PKN2: variants seen among roughly 807,000 people sequenced by gnomAD.
PKN2 encodes the protein serine/threonine-protein kinase N2.
In PKN2, 38 loss-of-function variants were observed where a neutral mutation model predicts 119.1. The observed-to-expected ratio is 0.32, with a 90% CI of 0.25 to 0.42. PKN2 has a LOEUF of 0.42. PKN2 is among the 10% of genes least tolerant of loss of function. PKN2 has a pLI of 1.00. For missense variants in PKN2, 850 were observed against 1,165.1 expected, an observed-to-expected ratio of 0.73 and a Z score of 3.94; for synonymous variants, 390 against 384.9, an observed-to-expected ratio of 1.01 and a Z score of -0.15.
chr1:88,703,833 A>G (rs1321583237), intron 1 of PKN2, among the ~76,000 whole-genome samples: 2 of 152,182 alleles, frequency 1.3e-5, no homozygotes, highest in Admixed American at 6.5e-5. Context: ...ACTATCATTA[A>G]GTAGAGGAAT....
chr1:88,736,647 GC>G (rs1423584875), intron 1 of PKN2, among the ~76,000 whole-genome samples: 1 of 152,136 alleles, frequency 6.6e-6, no homozygotes, highest in Non-Finnish European at 1.5e-5. Flanking sequence ...GAGCCACTGT[GC>G]CCGACCCCTG....
At chr1:88,787,117 A>G (rs1293667844) in intron 8 of PKN2, among the ~76,000 whole-genome samples, 1 of 151,908 alleles carries the variant, frequency 6.6e-6, no homozygotes, top group Non-Finnish European at 1.5e-5. Flanking sequence ...TATGTAAAAT[A>G]CCTTGCATTG....
At chr1:88,730,983 A>T (rs1451891556) in intron 1 of PKN2, among the ~76,000 whole-genome samples, 4 of 152,248 alleles carry the variant, frequency 2.6e-5, no homozygotes, top group Non-Finnish European at 5.9e-5. Flanking sequence ...CAAACAAAAA[A>T]CACAATATGG....
At chr1:88,826,648 C>T (rs11803921) in intron 18 of PKN2, among the ~76,000 whole-genome samples, 10,135 of 152,052 alleles carry the variant, frequency 0.067, 692 homozygotes, top group African/African-American at 0.18. Flanking sequence ...GTATTATTAA[C>T]TCTCATATAC....
At chr1:88,781,064 T>C (rs1312999020) in intron 6 of PKN2, 1 of 1,131,206 alleles carries the variant, frequency 8.8e-7, no homozygotes, top group African/African-American at 1.7e-5. Flanking sequence ...TTTAAGCTCC[T>C]ACTGGACCAT....
At chr1:88,748,522 A>G (rs1668861572) in intron 2 of PKN2, among the ~76,000 whole-genome samples, 1 of 152,186 alleles carries the variant, frequency 6.6e-6, no homozygotes, top group Non-Finnish European at 1.5e-5. Flanking sequence ...TTTGGCAATT[A>G]TCAGTAAAGC....
chr1:88,725,317 C>T (rs1297299805), intron 1 of PKN2, among the ~76,000 whole-genome samples: 1 of 152,126 alleles, frequency 6.6e-6, no homozygotes, highest in Admixed American at 6.5e-5. Context: ...ATTTATAAGA[C>T]AATGCCAAAC....
At chr1:88,781,121 T>C in intron 6 of PKN2, 1 of 1,268,642 alleles carries the variant, frequency 7.9e-7, no homozygotes, top group Admixed American at 2.5e-5. Flanking sequence ...CTGACATTAA[T>C]AGAAGACTAC....
At position 88,833,428 on chromosome 1, in the gene PKN2, T is replaced by C. The variant is rs1281262714; in HGVS notation, c.2935T>C (p.Tyr979His). 1 of 1,613,156 alleles carries C rather than the reference T, an allele frequency of 6.2e-7. No homozygotes were observed. Among genetic ancestry groups the C allele is most frequent in the East Asian group, 2.2e-5 (1 of 44,852 alleles). The part of the protein sequence containing the change: ...EEQEMFRDFD[Y>H]IADWC ...GCAGGAAATGTTCAGAGATTTTGAC[T>C]ACATTGCTGATTGGTGTTAAGTTGC... The change falls in exon 22 of 22, where the codon TAC becomes CAC. Residue 979 changes from tyrosine (Y) to histidine (H), a missense_variant. Physicochemically the swap from Tyr to His is moderately conservative, Grantham distance 83. This residue lies in a region of PKN2 where 52 missense variants were observed against 39.9 expected (regional missense o/e 1.30). Transcript: ENST00000370521.
intron 6 of PKN2, among the ~76,000 whole-genome samples, chr1:88,780,126 C>G (rs564685940): frequency 6.6e-6 from 1 of 152,218 alleles, no homozygotes; most frequent in Admixed American, 6.5e-5. Flanking sequence ...AATAGGAAAT[C>G]AGTGTGGTAG....
chr1:88,720,024 TTTG>T (rs34630092), intron 1 of PKN2, among the ~76,000 whole-genome samples: 30 of 151,898 alleles, frequency 2.0e-4, no homozygotes, highest in Middle Eastern at 3.4e-3. Context: ...CAAAATGTTT[TTTG>T]TTGTTGTTGT....
intron 19 of PKN2, among the ~76,000 whole-genome samples, chr1:88,831,511 TTTTA>T (rs369808256): frequency 6.6e-6 from 1 of 151,938 alleles, no homozygotes; most frequent in Non-Finnish European, 1.5e-5. Context: ...ACGTAGTATA[TTTTA>T]TTTATGTATT....
At chr1:88,819,209 A>C (rs1178065735) in intron 16 of PKN2, among the ~76,000 whole-genome samples, 1 of 152,246 alleles carries the variant, frequency 6.6e-6, no homozygotes, top group Non-Finnish European at 1.5e-5. Flanking sequence ...TCTGCACAGC[A>C]AAAGAAACTG....
intron 1 of PKN2, among the ~76,000 whole-genome samples, chr1:88,691,845 C>T (rs1393119635): frequency 6.6e-6 from 1 of 152,148 alleles, no homozygotes; most frequent in African/African-American, 2.4e-5. Context: ...AAACCACACT[C>T]ATAACTGTAA....
intron 1 of PKN2, among the ~76,000 whole-genome samples, chr1:88,721,580 G>C (rs1023675378): frequency 6.6e-6 from 1 of 152,130 alleles, no homozygotes; most frequent in Non-Finnish European, 1.5e-5. Flanking sequence ...CTGATTATTG[G>C]GAGGTCTGCT....
chr1:88,744,663 C>G (rs147504085), intron 2 of PKN2, among the ~76,000 whole-genome samples: 1 of 152,114 alleles, frequency 6.6e-6, no homozygotes, highest in Non-Finnish European at 1.5e-5. Context: ...TTTGTTGATC[C>G]GCCCACCTCG....
chr1:88,684,907 G>C, intron 1 of PKN2: 1 of 374,290 alleles, frequency 2.7e-6, no homozygotes, highest in East Asian at 4.0e-5. Flanking sequence ...GCGGGAGCCT[G>C]CTCTCGCCTG....
chr1:88,742,498 C>T (rs957276251), intron 2 of PKN2, among the ~76,000 whole-genome samples: 1 of 151,836 alleles, frequency 6.6e-6, no homozygotes, highest in East Asian at 1.9e-4. Context: ...AATCCACCTT[C>T]TAATTTTAGA....
intron 7 of PKN2, 133 bp downstream of exon 7, chr1:88,784,957 TGTGATGTCA>T (rs975656448): frequency 8.2e-6 from 4 of 485,134 alleles, no homozygotes; most frequent in African/African-American, 8.0e-5. Flanking sequence ...TATTAAAACC[TGTGATGTCA>T]GGAAACAAAA....
Sources: allele counts gnomAD v4.1 joint callset (sites outside exome capture counted in the v4.1 genomes callset), GRCh38; gene constraint gnomAD v4.1.1; regional missense constraint gnomAD v4.1.1; transcripts MANE v1.5; gene names NCBI Gene and HGNC (gene_info 2026-07-23, HGNC 2026-07-21).